Variants in PCSK2 observed in about 807,000 individuals in gnomAD.
PCSK2 encodes the protein neuroendocrine convertase 2.
In PCSK2, 14 loss-of-function variants were observed where a neutral mutation model predicts 69.7. The observed-to-expected ratio is 0.20, with a 90% CI of 0.13 to 0.31. The LOEUF (loss-of-function observed/expected upper bound fraction) is 0.31. Ranked by LOEUF, PCSK2 falls within the 10% of genes least tolerant of loss-of-function variation. PCSK2 has a pLI of 1.00. For synonymous variants in PCSK2, 307 were observed against 320.7 expected (o/e 0.96, Z 0.46); for missense variants, 544 against 842.5 (o/e 0.65, Z 4.39).
chr20:17,411,632 G>A (rs1306015389), intron 6 of PCSK2, among the ~76,000 whole-genome samples: 2 of 152,196 alleles, frequency 1.3e-5, no homozygotes, highest in African/African-American at 4.8e-5. Flanking sequence ...AGACTTAAAC[G>A]CCCCTGTCTG....
intron 2 of PCSK2, among the ~76,000 whole-genome samples, chr20:17,304,989 C>T (rs768987271): frequency 3.7e-4 from 56 of 152,180 alleles, no homozygotes; most frequent in Non-Finnish European, 6.5e-4. Context: ...GCTCTCTCTC[C>T]TTTCAATCTC....
chr20:17,307,470 G>A (rs1354353677), intron 2 of PCSK2, among the ~76,000 whole-genome samples: 1 of 152,192 alleles, frequency 6.6e-6, no homozygotes, highest in African/African-American at 2.4e-5. Flanking sequence ...GGTGGTGGTG[G>A]CAGTGGCAGA....
intron 1 of PCSK2, among the ~76,000 whole-genome samples, chr20:17,228,933 C>A (rs1299828673): frequency 6.6e-6 from 1 of 152,130 alleles, no homozygotes; most frequent in Non-Finnish European, 1.5e-5. Flanking sequence ...AAGAAGGCGC[C>A]GGCGGAGGGA....
intron 11 of PCSK2, chr20:17,479,449 CTG>C: frequency 1.8e-6 from 1 of 559,966 alleles, no homozygotes; most frequent in Non-Finnish European, 3.4e-6. Context: ...CCTGTTCTCC[CTG>C]GGGGCGGAGC....
At chr20:17,232,421 G>C (rs577391307) in intron 1 of PCSK2, among the ~76,000 whole-genome samples, 2 of 152,274 alleles carry the variant, frequency 1.3e-5, no homozygotes, top group South Asian at 4.1e-4. Flanking sequence ...GAATTTCCCT[G>C]ATTATCAACT....
chr20:17,282,519 G>C (rs970370936), intron 2 of PCSK2, among the ~76,000 whole-genome samples: 1 of 152,148 alleles, frequency 6.6e-6, no homozygotes, highest in Non-Finnish European at 1.5e-5. Flanking sequence ...AAAGAGGAAA[G>C]CTCCCCATTG....
rs1350670075 is a variant in PCSK2, at chr20:17,465,497, C to T, written c.1374C>T (p.Asp458=). 1.2e-6 allele frequency: 2 copies of T among 1,613,280 alleles called. No homozygotes were observed. The highest frequency in any genetic ancestry group is 1.7e-6 in the Non-Finnish European group (2 of 1,179,554). The change falls in exon 11 of 12, where the codon GAC becomes GAT. Residue 458 remains aspartate (D), a synonymous_variant. Transcript: ENST00000262545. ...DAGAMVKMAK[D]WKTVPERFHC... is the part of the protein sequence containing the mutation. ...GTGCCATGGTGAAAATGGCTAAAGA[C>T]TGGAAAACCGTGCCTGAGAGATTCC...
chr20:17,334,125 C>T (rs1600499713), intron 2 of PCSK2, among the ~76,000 whole-genome samples: 1 of 151,830 alleles, frequency 6.6e-6, no homozygotes, highest in Admixed American at 6.6e-5. Flanking sequence ...TTTCTCCCAG[C>T]ATACTCTCCA....
intron 1 of PCSK2, among the ~76,000 whole-genome samples, chr20:17,240,376 T>C (rs1198254316): frequency 2.0e-5 from 3 of 152,120 alleles, no homozygotes; most frequent in Non-Finnish European, 1.5e-5. Flanking sequence ...GCTGGGATGT[T>C]TAACCTCCAG....
chr20:17,348,772 TGAATATGATGACACCA>T (rs1367395957), intron 2 of PCSK2, among the ~76,000 whole-genome samples: 1 of 152,238 alleles, frequency 6.6e-6, no homozygotes, highest in Non-Finnish European at 1.5e-5. Flanking sequence ...TAACAGTGCC[TGAATATGATGACACCA>T]GTTATATTGG....
At chr20:17,255,499 G>A (rs1231607760) in intron 1 of PCSK2, among the ~76,000 whole-genome samples, 4 of 151,908 alleles carry the variant, frequency 2.6e-5, no homozygotes, top group South Asian at 2.1e-4. Flanking sequence ...CTGCCACCAC[G>A]CCCAGCTAAT....
chr20:17,418,796 T>C (rs2032058189), intron 6 of PCSK2, among the ~76,000 whole-genome samples: 1 of 152,158 alleles, frequency 6.6e-6, no homozygotes, highest in African/African-American at 2.4e-5. Flanking sequence ...CCCATCTCTG[T>C]TCAGCAGAGT....
chr20:17,278,972 T>C (rs888531607), intron 2 of PCSK2, among the ~76,000 whole-genome samples: 3 of 152,120 alleles, frequency 2.0e-5, no homozygotes, highest in African/African-American at 7.2e-5. Flanking sequence ...ATCCATTGCT[T>C]TATTTGGTTG....
intron 2 of PCSK2, among the ~76,000 whole-genome samples, chr20:17,270,282 G>A (rs1326774557): frequency 6.6e-6 from 1 of 152,072 alleles, no homozygotes; most frequent in East Asian, 1.9e-4. Flanking sequence ...CTATTGACAT[G>A]TTTGTGATCA....
chr20:17,234,848 G>T (rs947099703), intron 1 of PCSK2, among the ~76,000 whole-genome samples: 1 of 152,138 alleles, frequency 6.6e-6, no homozygotes, highest in Non-Finnish European at 1.5e-5. Context: ...CATGAAATCT[G>T]AAGTTCAATT....
At chr20:17,374,225 A>C (rs1017590376) in intron 5 of PCSK2, among the ~76,000 whole-genome samples, 1 of 152,170 alleles carries the variant, frequency 6.6e-6, no homozygotes, top group East Asian at 1.9e-4. Flanking sequence ...GTAAAGATGC[A>C]AGCATGTGAG....
chr20:17,302,156 C>A (rs996533527), intron 2 of PCSK2, among the ~76,000 whole-genome samples: 1 of 152,060 alleles, frequency 6.6e-6, no homozygotes, highest in Non-Finnish European at 1.5e-5. Flanking sequence ...CAAGAATATT[C>A]TTATTGGGTT....
chr20:17,433,558 C>T (rs2032410366), intron 7 of PCSK2, among the ~76,000 whole-genome samples: 2 of 152,172 alleles, frequency 1.3e-5, no homozygotes, highest in South Asian at 2.1e-4. Context: ...ACATGCAGCC[C>T]CCGGGGCACC....
At chr20:17,265,937 C>A (rs1204716189) in intron 2 of PCSK2, among the ~76,000 whole-genome samples, 1 of 152,160 alleles carries the variant, frequency 6.6e-6, no homozygotes, top group African/African-American at 2.4e-5. Context: ...AAATAAAACT[C>A]GTGACTCCTC....
Sources: gnomAD v4.1 joint callset for allele counts (sites outside exome capture counted in the v4.1 genomes callset) on GRCh38, gnomAD v4.1.1 for gene constraint, MANE v1.5 for transcripts, NCBI Gene and HGNC (gene_info 2026-07-23, HGNC 2026-07-21) for gene names.